Variants in DLG5 observed in about 807,000 individuals in gnomAD.
The protein encoded by DLG5 is discs large MAGUK scaffold protein 5, also known as disks large homolog 5.
Under a neutral mutation model 189.8 loss-of-function variants are expected in DLG5, and 48 were observed. The observed-to-expected ratio is 0.25, with a 90% CI of 0.20 to 0.32. The LOEUF (loss-of-function observed/expected upper bound fraction) is 0.32, where lower values mean the gene tolerates loss of function less well. Among genes scored for constraint, DLG5 ranks in the 10% least tolerant of loss-of-function variants. The pLI is 1.00. For synonymous variants in DLG5, 1,016 were observed against 1,054.1 expected, an observed-to-expected ratio of 0.96 and a Z score of 0.70; for missense variants, 2,160 against 2,544.7, an observed-to-expected ratio of 0.85 and a Z score of 3.25.
intron 20 of DLG5, among the ~76,000 whole-genome samples, chr10:77,814,933 CG>C (rs916455662): frequency 6.6e-6 from 1 of 152,072 alleles, no homozygotes; most frequent in African/African-American, 2.4e-5. Flanking sequence ...ATCTGGGAAA[CG>C]GGGCCATTTT....
chr10:77,901,185 C>T (rs1396056652), intron 1 of DLG5, among the ~76,000 whole-genome samples: 4 of 151,926 alleles, frequency 2.6e-5, no homozygotes, highest in East Asian at 1.9e-4. Flanking sequence ...GTTTCCCAAG[C>T]GCCCACAGCA....
chr10:77,813,704 G>A (rs927887099), intron 20 of DLG5, among the ~76,000 whole-genome samples: 7 of 152,148 alleles, frequency 4.6e-5, no homozygotes, highest in African/African-American at 1.7e-4. Context: ...CGTACAACAC[G>A]TGTATCACAA....
the DLG5 span, among the ~76,000 whole-genome samples, chr10:77,940,641 T>C: frequency 2.0e-5 from 3 of 152,100 alleles, no homozygotes; most frequent in Non-Finnish European, 4.4e-5. Context: ...GGGAGGACCC[T>C]GAATCCAAGC....
chr10:77,831,001 C>T, intron 9 of DLG5, 128 bp from the exon 10 acceptor site: 1 of 1,173,816 alleles, frequency 8.5e-7, no homozygotes, highest in Non-Finnish European at 1.2e-6. Context: ...CCTTGTTTCC[C>T]AATAACTCAG....
At position 77,830,245 on chromosome 10, in the gene DLG5, T is replaced by C; in HGVS notation, c.1981A>G (p.Lys661Glu). ...AAGCGGCCATCAGCAATGCTTCCTT[T>C]GTCCACTTTAGTGACAAATATGCCA... ...DCGIFVTKVD[K>E]GSIADGRLRV... The change falls in exon 11 of 32, where the codon AAA becomes GAA. Residue 661 changes from lysine (K) to glutamate (E), a missense_variant. Physicochemically the swap from Lys to Glu is moderately conservative, Grantham distance 56. Around this residue, in one of 5 missense-constraint regions of DLG5, gnomAD observed 107 missense variants for 214.5 expected, o/e 0.50. Coordinates refer to ENST00000372391, the MANE Select transcript of DLG5 (RefSeq NM_004747.4). 2 of 1,614,158 alleles carry C rather than the reference T, an allele frequency of 1.2e-6. No homozygotes were observed. The highest frequency in any genetic ancestry group is 4.5e-5 in the East Asian group (2 of 44,886).
chr10:77,827,772 C>G (rs1842711627), intron 13 of DLG5, among the ~76,000 whole-genome samples: 1 of 152,138 alleles, frequency 6.6e-6, no homozygotes, highest in African/African-American at 2.4e-5. Flanking sequence ...AGGTGGGTAA[C>G]ATTAGCCAGG....
chr10:77,921,928 G>T (rs1432724286), intron 1 of DLG5, among the ~76,000 whole-genome samples: 1 of 152,174 alleles, frequency 6.6e-6, no homozygotes, highest in Non-Finnish European at 1.5e-5. Context: ...AGGCCTGGTG[G>T]GAATGACTTG....
chr10:77,936,441 C>CAA, the DLG5 span, among the ~76,000 whole-genome samples: 13 of 87,840 alleles, frequency 1.5e-4, no homozygotes, highest in Admixed American at 2.5e-4. Flanking sequence ...CGTCTCAAAA[C>CAA]AAAACAAAAA....
chr10:77,792,443 G>A lies in DLG5; in HGVS notation c.5757C>T (p.Leu1919=), dbSNP rs1840684561. 1 of 1,613,986 alleles carries A rather than the reference G, an allele frequency of 6.2e-7. No individual in the cohort carries two copies. The part of the protein sequence containing the change: ...NKVLWIPACP[L] ...TCATCCACAGCACAGCATTCTCCTA[G>A]AGCGGGCAGGCTGGAATCCACAGGA... Residue 1919 remains leucine, a synonymous_variant, in exon 32 of 32, where the codon CTC becomes CTT. Transcript: ENST00000372391.
chr10:77,829,135 A>G (rs1454253426), intron 12 of DLG5, 150 bp from the exon 13 acceptor site: 3 of 1,024,420 alleles, frequency 2.9e-6, no homozygotes, highest in Non-Finnish European at 4.3e-6. Flanking sequence ...AGTCCCACCA[A>G]TCGGGGGCTC....
intron 12 of DLG5, 53 bp downstream of exon 12, chr10:77,829,301 CA>C: frequency 6.2e-7 from 1 of 1,610,526 alleles, no homozygotes. Flanking sequence ...CCCCTGTCCA[CA>C]AAAAAGGGCC....
At position 77,842,099 on chromosome 10, in the gene DLG5, G is replaced by C; in HGVS notation, c.1219C>G (p.Leu407Val). Reference sequence around the variant, plus strand: ...GCTGTCTTCACCTGCGTGGTTCTCAGCTCGGTCAGCTCTGACTGCAGCAGC... The same window carrying C: ...GCTGTCTTCACCTGCGTGGTTCTCACCTCGGTCAGCTCTGACTGCAGCAGC... ...MELLQSELTE[L>V]RTTQVKTAKE... Residue 407 changes from leucine to valine, a missense_variant, in exon 7 of 32, where the codon CTG becomes GTG. Around this residue, in one of 5 missense-constraint regions of DLG5, gnomAD observed 664 missense variants for 838.5 expected, o/e 0.79. Coordinates refer to ENST00000372391, the MANE Select transcript of DLG5 (RefSeq NM_004747.4). 6.2e-7 allele frequency: 1 copy of C among 1,613,428 alleles called. No individual in the cohort carries two copies. The highest frequency in any genetic ancestry group is 1.1e-5 in the South Asian group (1 of 91,088).
intron 6 of DLG5, among the ~76,000 whole-genome samples, chr10:77,843,087 G>A (rs888542491): frequency 3.3e-5 from 5 of 152,170 alleles, no homozygotes; most frequent in Admixed American, 1.3e-4. Context: ...CTGCCACAGA[G>A]GGGAGAGGCA....
At chr10:77,829,167 TCAAA>T (rs745806955) in intron 12 of DLG5, among the ~76,000 whole-genome samples, 182 bp from the exon 13 acceptor site, 8 of 152,186 alleles carry the variant, frequency 5.3e-5, no homozygotes, top group Non-Finnish European at 8.8e-5. Context: ...CCCTGGTGAA[TCAAA>T]CACTCAGAAA....
In DLG5 at chr10:77,830,744, C is replaced by T; in HGVS notation, c.1878G>A (p.Glu626=). Reference sequence around the variant, plus strand: ...AGAACCATCAGAGGCAGCTTACCGTCTCCCTCTCGAACTCTACAACTTCCG... The same window carrying T: ...AGAACCATCAGAGGCAGCTTACCGTTTCCCTCTCGAACTCTACAACTTCCG... ...WETEVVEFER[E]TEDIDLKALG... Residue 626 remains glutamate, a synonymous_variant, in exon 10 of 32, where the codon GAG becomes GAA. Transcript: ENST00000372391. 1 of 1,614,092 alleles carries T rather than the reference C, an allele frequency of 6.2e-7. No individual in the cohort carries two copies. Among genetic ancestry groups the T allele is most frequent in the Non-Finnish European group, 8.5e-7 (1 of 1,179,932 alleles).
At position 77,821,377 on chromosome 10, in the gene DLG5, G is replaced by T; in HGVS notation, c.3107C>A (p.Ala1036Asp). 6.2e-7 allele frequency: 1 copy of T among 1,612,512 alleles called. No homozygotes were observed. The highest frequency in any genetic ancestry group is 8.5e-7 in the Non-Finnish European group (1 of 1,179,926). Residue 1036 changes from alanine to aspartate, a missense_variant, in exon 15 of 32, where the codon GCC (alanine) becomes GAC (aspartate). Physicochemically the swap from Ala to Asp is moderately radical, Grantham distance 126. This residue lies in a region of DLG5 where 754 missense variants were observed against 746.5 expected (regional missense o/e 1.01). Transcript: ENST00000372391. ...GGATGGGGAGCTGCCCACCAGAGTGGCTTCTGACTCGGAGCTAGTCTCCAG... is the reference window on the plus strand; with the variant it reads ...GGATGGGGAGCTGCCCACCAGAGTGTCTTCTGACTCGGAGCTAGTCTCCAG... ...HRLETSSESE[A>D]TLVGSSPSTS... is the part of the protein sequence containing the mutation.
chr10:77,893,238 G>C lies in DLG5; in HGVS notation c.305-24041C>G, dbSNP rs79519461. 5.9e-5 allele frequency among the ~76,000 whole-genome samples: 9 copies of C among 152,372 alleles called. No homozygotes were observed. The East Asian group carries it at 1.7e-3, about 29-fold the overall frequency. Reference sequence around the variant, plus strand: ...ACCAGTGTCTCAGCAAGGAAGGAGAGAGAGAAGGAGGTGAAAGTGCACTGA... The same window carrying C: ...ACCAGTGTCTCAGCAAGGAAGGAGACAGAGAAGGAGGTGAAAGTGCACTGA... On this transcript the variant is annotated intron_variant, in intron 1 of 31. Coordinates refer to ENST00000372391, the MANE Select transcript of DLG5 (RefSeq NM_004747.4).
At chr10:77,923,359 C>T (rs139050387) in intron 1 of DLG5, among the ~76,000 whole-genome samples, 299 of 152,266 alleles carry the variant, frequency 2.0e-3, no homozygotes, top group African/African-American at 7.1e-3. Context: ...CAGCCAGAGC[C>T]GCTCTCTTAT....
At chr10:77,877,302 CTT>C (rs71030913) in intron 1 of DLG5, among the ~76,000 whole-genome samples, 9 of 146,570 alleles carry the variant, frequency 6.1e-5, no homozygotes, top group African/African-American at 2.2e-4. Context: ...TTTTTCTTTA[CTT>C]TTTTTTTTTT....
Sources: gnomAD v4.1 joint callset for allele counts (sites outside exome capture counted in the v4.1 genomes callset) on GRCh38, gnomAD v4.1.1 for gene constraint, gnomAD v4.1.1 regional missense constraint, MANE v1.5 for transcripts, NCBI Gene and HGNC (gene_info 2026-07-23, HGNC 2026-07-21) for gene names.